NUCB2: variants seen among roughly 807,000 people sequenced by gnomAD.
The protein encoded by NUCB2 is nucleobindin 2.
A neutral mutation model predicts 57.9 loss-of-function variants in NUCB2; 48 were observed. The observed-to-expected ratio is 0.83, with a 90% CI of 0.66 to 1.05. NUCB2 has a LOEUF of 1.05. Among genes scored for constraint, NUCB2 ranks in the 50% least tolerant of loss-of-function variants. NUCB2 has a pLI of 0.00. For missense variants in NUCB2, 442 were observed against 476.2 expected (o/e 0.93, Z 0.67); for synonymous variants, 139 against 152.1 (o/e 0.91, Z 0.64).
intron 2 of NUCB2, among the ~76,000 whole-genome samples, chr11:17,344,654 T>C (rs1952571807): frequency 1.3e-5 from 2 of 152,216 alleles, no homozygotes; most frequent in Non-Finnish European, 2.9e-5. Context: ...TCCCAAGCTA[T>C]TGATCTTTTC....
chr11:17,319,597 C>A (rs1405371983), intron 11 of NUCB2, among the ~76,000 whole-genome samples: 2 of 152,174 alleles, frequency 1.3e-5, no homozygotes, highest in Non-Finnish European at 2.9e-5. Context: ...CATACATGCA[C>A]ACATACACAC....
At chr11:17,302,555 C>T (rs918936761) in intron 5 of NUCB2, among the ~76,000 whole-genome samples, 1 of 151,982 alleles carries the variant, frequency 6.6e-6, no homozygotes, top group Non-Finnish European at 1.5e-5. Context: ...CAGACCATTT[C>T]TTTTCTTTCT....
chr11:17,330,443 G>A lies in NUCB2; in HGVS notation c.1173+146G>A, dbSNP rs900693171. The A allele has an allele frequency of 2.1e-6, 1 of 471,666 alleles. No individual in the cohort carries two copies. Among genetic ancestry groups the A allele is most frequent in the African/African-American group, 2.0e-5 (1 of 49,308 alleles). 29.2% of individuals were successfully genotyped at this position (471,666 alleles called of 1,614,324 possible). A position where few individuals can be genotyped will look rare whatever the true frequency, so the allele number is the denominator to read the frequency against. On this transcript the variant is annotated intron_variant, in intron 12 of 13. Transcript: ENST00000529010. The surrounding 1 kb of genome is among the most constrained non-coding windows in gnomAD (Gnocchi z 4.3). ...TTTTAAATTTTAATACTTTAAAACTGTTTTGTGGAATATTAATCTAAATTT... is the reference window on the plus strand; with the variant it reads ...TTTTAAATTTTAATACTTTAAAACTATTTTGTGGAATATTAATCTAAATTT...
intron 2 of NUCB2, among the ~76,000 whole-genome samples, chr11:17,283,851 C>A (rs535220854): frequency 1.3e-5 from 2 of 152,166 alleles, no homozygotes; most frequent in African/African-American, 4.8e-5. Flanking sequence ...TCTCAAGATA[C>A]ATTTCACTAT....
At chr11:17,282,238 A>ATCTG (rs35737787) in intron 1 of NUCB2, among the ~76,000 whole-genome samples, 3 of 115,504 alleles carry the variant, frequency 2.6e-5, no homozygotes, top group East Asian at 5.0e-4. Context: ...CTATCTATCT[A>ATCTG]TATATATATA....
intron 2 of NUCB2, among the ~76,000 whole-genome samples, chr11:17,339,108 C>G (rs1473533905): frequency 6.6e-6 from 1 of 152,118 alleles, no homozygotes; most frequent in East Asian, 1.9e-4. Context: ...CTGCCTCAGT[C>G]TCCTGAGTAG....
intron 3 of NUCB2, 88 bp downstream of exon 3, chr11:17,295,555 T>A (rs894688849): frequency 1.7e-5 from 16 of 969,270 alleles, no homozygotes; most frequent in Non-Finnish European, 1.6e-5. Context: ...GAGGTGAAAC[T>A]ATAACTAAAT....
intron 2 of NUCB2, among the ~76,000 whole-genome samples, chr11:17,342,664 T>A (rs1388676345): frequency 6.7e-6 from 1 of 150,300 alleles, no homozygotes; most frequent in East Asian, 1.9e-4. Context: ...TTGATTGCAC[T>A]GTGGTCTGAG....
At chr11:17,321,400 G>C (rs1209939322) in intron 11 of NUCB2, among the ~76,000 whole-genome samples, 1 of 152,036 alleles carries the variant, frequency 6.6e-6, no homozygotes, top group Non-Finnish European at 1.5e-5. Flanking sequence ...ATGACCTCCA[G>C]TTCCACCCAT....
At chr11:17,342,562 C>T (rs1952364681) in intron 2 of NUCB2, among the ~76,000 whole-genome samples, 1 of 150,126 alleles carries the variant, frequency 6.7e-6, no homozygotes, top group African/African-American at 2.5e-5. Context: ...GCCTTCATTT[C>T]GTTATGTACC....
intron 2 of NUCB2, among the ~76,000 whole-genome samples, chr11:17,344,939 AG>A (rs1334838158): frequency 6.6e-6 from 1 of 152,244 alleles, no homozygotes; most frequent in Non-Finnish European, 1.5e-5. Context: ...TCCCCCTTTC[AG>A]GGACAGTGAA....
At chr11:17,347,261 C>T in intron 2 of NUCB2, among the ~76,000 whole-genome samples, 1 of 152,176 alleles carries the variant, frequency 6.6e-6, no homozygotes, top group East Asian at 1.9e-4. Flanking sequence ...GAGTTTCTAC[C>T]TTTCCAAAGG....
chr11:17,300,706 G>T (rs1303657444), intron 4 of NUCB2, among the ~76,000 whole-genome samples: 1 of 152,072 alleles, frequency 6.6e-6, no homozygotes, highest in African/African-American at 2.4e-5. Context: ...GTTTTTTGGC[G>T]AGTATGAATA....
At chr11:17,281,651 AG>A (rs140801299) in intron 1 of NUCB2, among the ~76,000 whole-genome samples, 22,482 of 152,132 alleles carry the variant, frequency 0.15, 2,002 homozygotes, top group Middle Eastern at 0.28. Context: ...AGAGGCAAGT[AG>A]CTTGCGAGTA....
intron 5 of NUCB2, among the ~76,000 whole-genome samples, chr11:17,305,964 A>G (rs576715785): frequency 4.6e-5 from 7 of 152,284 alleles, no homozygotes; most frequent in African/African-American, 1.7e-4. Flanking sequence ...CTTGCTAGCC[A>G]TTTGGACAAA....
intron 6 of NUCB2, among the ~76,000 whole-genome samples, chr11:17,310,275 T>C (rs1460211443): frequency 6.6e-6 from 1 of 152,178 alleles, no homozygotes; most frequent in Non-Finnish European, 1.5e-5. Context: ...TACTTGCTTA[T>C]GAGGAGTTTC....
intron 1 of NUCB2, among the ~76,000 whole-genome samples, chr11:17,281,653 C>T (rs1461676732): frequency 9.0e-6 from 1 of 110,964 alleles, no homozygotes; most frequent in Non-Finnish European, 2.2e-5. Flanking sequence ...AGGCAAGTAG[C>T]TTGCGAGTAA....
rs1190038055 is a variant in NUCB2 at position 17,311,263 on chromosome 11, A to T, written c.740A>T (p.Lys247Met). ...TTGGATCCTAATGACTTTGACCCCAAGACATTTTTCAAATTACATGGTAAC... is the reference window on the plus strand; with the variant it reads ...TTGGATCCTAATGACTTTGACCCCATGACATTTTTCAAATTACATGGTAAC... ...DGLDPNDFDP[K>M]TFFKLHDVNS... The change falls in exon 8 of 14, where the codon AAG (lysine) becomes ATG (methionine). Residue 247 changes from lysine (K) to methionine (M), a missense_variant. By Grantham distance (95) the Lys-to-Met change is moderately conservative. Transcript: ENST00000529010. 3.1e-6 allele frequency: 5 copies of T among 1,606,754 alleles called. No individual in the cohort carries two copies. The Admixed American group carries it at 8.5e-5, about 27-fold the overall frequency.
chr11:17,288,269 G>A (rs1944129140), intron 2 of NUCB2, among the ~76,000 whole-genome samples: 1 of 152,124 alleles, frequency 6.6e-6, no homozygotes, highest in African/African-American at 2.4e-5. Flanking sequence ...GAAAAAGCAC[G>A]GTGGTGTAAT....
Sources: allele counts gnomAD v4.1 joint callset (sites outside exome capture counted in the v4.1 genomes callset), GRCh38; gene constraint gnomAD v4.1.1; non-coding constraint Gnocchi (gnomAD v3.1); transcripts MANE v1.5; gene names NCBI Gene and HGNC (gene_info 2026-07-23, HGNC 2026-07-21).